NAV2: variants seen among roughly 807,000 people sequenced by gnomAD.
NAV2 encodes neuron navigator 2.
Under a neutral mutation model 223.2 loss-of-function variants are expected in NAV2, and 54 were observed. That is an observed-to-expected ratio of 0.24 (90% CI 0.19 to 0.30). NAV2 has a LOEUF of 0.30. NAV2 is among the 10% of genes least tolerant of loss of function. The pLI is 1.00. For missense variants in NAV2, 2,806 were observed against 3,147.5 expected (o/e 0.89, Z 2.60); for synonymous variants, 1,279 against 1,239.3 (o/e 1.03, Z -0.67).
chr11:20,017,664 T>C (rs1235835286), intron 11 of NAV2, among the ~76,000 whole-genome samples: 1 of 152,216 alleles, frequency 6.6e-6, no homozygotes, highest in Non-Finnish European at 1.5e-5. Flanking sequence ...TGGCAAAGGT[T>C]TTGCATTGAC....
At chr11:19,914,346 C>T (rs2043591624) in intron 6 of NAV2, among the ~76,000 whole-genome samples, 1 of 152,198 alleles carries the variant, frequency 6.6e-6, no homozygotes, top group African/African-American at 2.4e-5. Context: ...TGCCGAAATA[C>T]TTGCACTTAC....
intron 11 of NAV2, among the ~76,000 whole-genome samples, chr11:19,984,613 G>C (rs146073896): frequency 6.6e-6 from 1 of 152,132 alleles, no homozygotes; most frequent in Non-Finnish European, 1.5e-5. Flanking sequence ...GCACCTTGTG[G>C]CACAGAAGGT....
chr11:19,896,057 C>A (rs971926297), intron 6 of NAV2, among the ~76,000 whole-genome samples: 1 of 152,074 alleles, frequency 6.6e-6, no homozygotes, highest in African/African-American at 2.4e-5. Flanking sequence ...GTGATGTAAT[C>A]CCATCACCCC....
chr11:19,980,629 G>A (rs1039796062), intron 10 of NAV2, among the ~76,000 whole-genome samples: 5 of 152,322 alleles, frequency 3.3e-5, no homozygotes, highest in East Asian at 1.9e-4. Context: ...AAACACACCC[G>A]TGGCTGCTTC....
chr11:19,580,347 T>C (rs1230207602), intron 1 of NAV2, among the ~76,000 whole-genome samples: 1 of 151,702 alleles, frequency 6.6e-6, no homozygotes, highest in Non-Finnish European at 1.5e-5. Flanking sequence ...TTTTTTTTAA[T>C]TTATGAAGAA....
chr11:19,660,983 G>A (rs1249291675), intron 1 of NAV2, among the ~76,000 whole-genome samples: 1 of 152,240 alleles, frequency 6.6e-6, no homozygotes, highest in East Asian at 1.9e-4. Flanking sequence ...TAAGTGTGCA[G>A]TTCAGTGGCA....
intron 1 of NAV2, among the ~76,000 whole-genome samples, chr11:19,689,547 G>T (rs146753200): frequency 1.3e-5 from 2 of 152,352 alleles, no homozygotes; most frequent in African/African-American, 4.8e-5. Flanking sequence ...TAATCAGCCA[G>T]CTAAATTGCC....
At chr11:19,964,487 A>T (rs559518599) in intron 10 of NAV2, among the ~76,000 whole-genome samples, 8 of 113,104 alleles carry the variant, frequency 7.1e-5, no homozygotes, top group African/African-American at 3.2e-4. Context: ...ATCTCTTTTC[A>T]TCCTCTTTTT....
chr11:19,370,412 A>G (rs1314696993), intron 1 of NAV2, among the ~76,000 whole-genome samples: 1 of 152,196 alleles, frequency 6.6e-6, no homozygotes, highest in Non-Finnish European at 1.5e-5. Context: ...ACTTGTTCTA[A>G]TTACCTAGGT....
chr11:19,459,095 A>G (rs1564952828), intron 1 of NAV2, among the ~76,000 whole-genome samples: 1 of 152,244 alleles, frequency 6.6e-6, no homozygotes, highest in Non-Finnish European at 1.5e-5. Flanking sequence ...GAAGAGCTAC[A>G]TCAATTGTAA....
chr11:20,056,445 G>A (rs2153613181), intron 19 of NAV2: 2 of 939,972 alleles, frequency 2.1e-6, no homozygotes, highest in East Asian at 2.5e-5. Flanking sequence ...TAAGTGTATT[G>A]TTTTCAGTTA....
rs1340258992 is a variant in NAV2, at chr11:19,578,206, C to CTGCGAGCTGGGCTTT, written c.75+227181_75+227195dup. On this transcript the variant is annotated intron_variant, in intron 1 of 37. Coordinates refer to the NAV2 transcript ENST00000360655. ...GTGCCTCTGCCTCCTCCGGCTCTGC[C>CTGCGAGCTGGGCTTT]TGCGAGCTGGGCTTTTACAAGCTGA... Among the ~76,000 whole-genome samples the CTGCGAGCTGGGCTTT allele has an allele frequency of 3.9e-5, 6 of 152,368 alleles. No homozygotes were observed. The South Asian group carries it at 8.3e-4, about 21-fold the overall frequency.
rs2049979347 is a variant in NAV2 at position 19,713,000 on chromosome 11, G to T, written c.-696G>T. On this transcript the variant is annotated 5_prime_UTR_variant, in exon 1 of 38. Coordinates refer to ENST00000349880, the MANE Select transcript of NAV2 (RefSeq NM_145117.5). ...TAGCTCACGGAGCATGTGCAGACCCGCAGGCGCTAAGGTGCTCTCAGTCCG... is the reference window on the plus strand; with the variant it reads ...TAGCTCACGGAGCATGTGCAGACCCTCAGGCGCTAAGGTGCTCTCAGTCCG... Among the ~76,000 whole-genome samples, 1 of 152,150 alleles carries T rather than the reference G, an allele frequency of 6.6e-6. No individual in the cohort carries two copies. Among genetic ancestry groups the T allele is most frequent in the African/African-American group, 2.4e-5 (1 of 41,454 alleles).
Position 20,067,788 on chromosome 11 carries a change from T to C in NAV2, c.4885-398T>C, listed in dbSNP as rs187586500. ...GTCAGGCATGAGCTACCATGCCCAGTCCTAGACCTTTTTGTTTTTTTTAAA... is the reference window on the plus strand; with the variant it reads ...GTCAGGCATGAGCTACCATGCCCAGCCCTAGACCTTTTTGTTTTTTTTAAA... On this transcript the variant is annotated intron_variant, in intron 20 of 37. Transcript: ENST00000349880. Among the ~76,000 whole-genome samples, 189 of 151,860 alleles carry C rather than the reference T, an allele frequency of 1.2e-3. 1 individual carries two copies. The highest frequency in any genetic ancestry group is 4.4e-3 in the African/African-American group (184 of 41,452).
At chr11:19,691,273 G>A (rs1312988207) in intron 1 of NAV2, among the ~76,000 whole-genome samples, 3 of 151,548 alleles carry the variant, frequency 2.0e-5, no homozygotes, top group Non-Finnish European at 2.9e-5. Context: ...AAAAACAGAT[G>A]ACATTCATTA....
rs572991310 is a variant in NAV2, at chr11:20,083,111, A to T, written c.5430A>T (p.Ser1810=). 2 of 1,613,890 alleles carry T rather than the reference A, an allele frequency of 1.2e-6. No individual in the cohort carries two copies. Among genetic ancestry groups the T allele is most frequent in the African/African-American group, 2.7e-5 (2 of 74,876 alleles). The change falls in exon 26 of 38, where the codon TCA becomes TCT. Residue 1810 remains serine (S), a synonymous_variant. Coordinates refer to ENST00000349880, the MANE Select transcript of NAV2 (RefSeq NM_145117.5). ...TGACGGATTCTTCTTTGCCTTCCTC[A>T]CCAAAGTTACCGCACAATGGGTCCA... ...EEMTDSSLPS[S]PKLPHNGSTG...
intron 6 of NAV2, among the ~76,000 whole-genome samples, chr11:19,907,188 A>G (rs1030759657): frequency 2.6e-5 from 4 of 152,218 alleles, no homozygotes; most frequent in African/African-American, 9.6e-5. Context: ...TCCAAAAGTC[A>G]GAAATGACTA....
chr11:19,910,246 C>T (rs939118675), intron 6 of NAV2, among the ~76,000 whole-genome samples: 1 of 152,202 alleles, frequency 6.6e-6, no homozygotes, highest in East Asian at 1.9e-4. Flanking sequence ...GCTTTTAACC[C>T]TCATGCTATC....
At chr11:20,102,577 G>C (rs2153701430) in intron 32 of NAV2, among the ~76,000 whole-genome samples, 1 of 152,304 alleles carries the variant, frequency 6.6e-6, no homozygotes, top group East Asian at 1.9e-4. Context: ...AGCCCTGCCT[G>C]GCTCTAAGTG....
Sources: allele counts gnomAD v4.1 joint callset (sites outside exome capture counted in the v4.1 genomes callset), GRCh38; gene constraint gnomAD v4.1.1; transcripts MANE v1.5; gene names NCBI Gene and HGNC (gene_info 2026-07-23, HGNC 2026-07-21).